Variants in CEMIP2 observed in about 807,000 individuals in gnomAD.
CEMIP2 encodes cell migration inducing hyaluronidase 2.
Under a neutral mutation model 146.9 loss-of-function variants are expected in CEMIP2, and 79 were observed. The observed-to-expected ratio is 0.54, with a 90% CI of 0.45 to 0.65. The LOEUF (loss-of-function observed/expected upper bound fraction) is 0.65. Among genes scored for constraint, CEMIP2 ranks in the 30% least tolerant of loss-of-function variants. The pLI is 0.00. For synonymous variants in CEMIP2, 601 were observed against 606.3 expected (o/e 0.99, Z 0.13); for missense variants, 1,596 against 1,696.2 (o/e 0.94, Z 1.04).
chr9:71,714,802 A>C, intron 15 of CEMIP2, 132 bp downstream of exon 15: 1 of 867,492 alleles, frequency 1.2e-6, no homozygotes, highest in Non-Finnish European at 1.7e-6. Flanking sequence ...AGTAGTAGTA[A>C]TAAATGATAA....
chr9:71,734,244 C>T (rs1412377388), intron 6 of CEMIP2, among the ~76,000 whole-genome samples: 1 of 148,768 alleles, frequency 6.7e-6, no homozygotes, highest in Non-Finnish European at 1.5e-5. Context: ...AATAGGCACT[C>T]GAAAACCATA....
At position 71,722,513 on chromosome 9, in the gene CEMIP2, A is replaced by G; in HGVS notation, c.2181T>C (p.Ala727=). The change falls in exon 12 of 24, where the codon GCT becomes GCC. Residue 727 remains alanine, a splice_region_variant and synonymous_variant. Coordinates refer to ENST00000377044, the MANE Select transcript of CEMIP2 (RefSeq NM_013390.3). ...TGACACCTTTGTCAATAAATAAGCC[A>G]GCCTGAAAAATATAAATAATGGACT... The part of the protein sequence containing the change: ...YNNRVHSNFK[A]GLFIDKGVKT... 1 of 1,611,296 alleles carries G rather than the reference A, an allele frequency of 6.2e-7. No individual in the cohort carries two copies. Among genetic ancestry groups the G allele is most frequent in the Non-Finnish European group, 8.5e-7 (1 of 1,178,082 alleles).
Position 71,685,220 on chromosome 9 carries a change from T to G in CEMIP2, c.4129A>C (p.Lys1377Gln). The change falls in exon 24 of 24, where the codon AAG becomes CAG. Residue 1377 changes from lysine to glutamine, a missense_variant. Transcript: ENST00000377044. The stretch of plus-strand genomic sequence containing the variant: ...CTCTAATGTGCTTTTGAAGCTTGCT[T>G]TAGCAGTTCCAGGTCTCTTCTGCGG... ...TVRRRDLELL[K>Q]QASKAH is the part of the protein sequence containing the mutation. 6.2e-7 allele frequency: 1 copy of G among 1,610,318 alleles called. No homozygotes were observed. The highest frequency in any genetic ancestry group is 8.5e-7 in the Non-Finnish European group (1 of 1,178,910).
chr9:71,699,412 C>T (rs1444748453), intron 19 of CEMIP2: 2 of 447,610 alleles, frequency 4.5e-6, no homozygotes, highest in African/African-American at 4.2e-5. Flanking sequence ...TGCCTGTGAA[C>T]TGCACTCCAG....
chr9:71,749,214 A>C (rs879762976), intron 2 of CEMIP2, among the ~76,000 whole-genome samples: 2 of 152,214 alleles, frequency 1.3e-5, no homozygotes, highest in Non-Finnish European at 2.9e-5. Context: ...TGATTTTTAG[A>C]CAAAGGTGTC....
intron 1 of CEMIP2, among the ~76,000 whole-genome samples, chr9:71,754,071 A>C (rs1824340299): frequency 6.6e-6 from 1 of 152,156 alleles, no homozygotes; most frequent in African/African-American, 2.4e-5. Context: ...TGAGGGGTGG[A>C]GGGCTGGGAG....
At chr9:71,686,324 C>T in intron 22 of CEMIP2, 1 of 159,646 alleles carries the variant, frequency 6.3e-6, no homozygotes, top group South Asian at 1.8e-4. Context: ...AGGTTGTGTG[C>T]TCCTGAGAAT....
In CEMIP2 at chr9:71,746,596, CA is replaced by C. The variant is rs5898226; in HGVS notation, c.332-256del. ...GCATCTAGTTCAGGACAAACTTCAC[CA>C]AAAAAAAAAAAAAAAAAAAAAAGTT... is the stretch of plus-strand genomic sequence containing the variant. On this transcript the variant is annotated intron_variant, in intron 2 of 23. Transcript: ENST00000377044. Among the ~76,000 whole-genome samples, 114 of 75,176 alleles carry C rather than the reference CA, an allele frequency of 1.5e-3. 1 individual carries two copies. The highest frequency in any genetic ancestry group is 4.5e-3 in the Admixed American group (26 of 5,766). 49.3% of individuals were successfully genotyped at this position (75,176 alleles called of 152,430 possible).
rs1180542626 is a variant in CEMIP2 at position 71,711,990 on chromosome 9, C to T, written c.2769+93G>A. ...ATGTCTCCTCCCACTCGTACAGACT[C>T]GGTGCAAATCCTTTGCGTTTTTGTC... On this transcript the variant is annotated intron_variant, in intron 16 of 23. Transcript: ENST00000377044. 7.5e-5 allele frequency: 103 copies of T among 1,366,612 alleles called. No homozygotes were observed. The South Asian group carries it at 1.1e-3, about 14-fold the overall frequency. 84.7% of individuals were successfully genotyped at this position (1,366,612 alleles called of 1,614,324 possible).
chr9:71,741,536 A>G (rs1362530091), intron 4 of CEMIP2, among the ~76,000 whole-genome samples: 1 of 151,932 alleles, frequency 6.6e-6, no homozygotes, highest in Admixed American at 6.6e-5. Context: ...AAAGCTGTAG[A>G]ATCACTATCC....
rs921791433 is a variant in CEMIP2, at chr9:71,739,929, T to A, written c.1204+134A>T. ...AAAAGATTAAGCACAGTAGGAAAAC[T>A]AAGTTTCAACTTCAACTAGTTGAGA... On this transcript the variant is annotated intron_variant, in intron 5 of 23. Transcript: ENST00000377044. 1.6e-5 allele frequency: 13 copies of A among 804,262 alleles called. No individual in the cohort carries two copies. In the African/African-American group the frequency reaches 2.4e-4, roughly 15 times the overall value. 49.8% of individuals were successfully genotyped at this position (804,262 alleles called of 1,614,324 possible).
chr9:71,751,015 G>A (rs957901549), intron 1 of CEMIP2, among the ~76,000 whole-genome samples: 17 of 152,326 alleles, frequency 1.1e-4, no homozygotes, highest in African/African-American at 4.1e-4. Flanking sequence ...GCAAAGTGCT[G>A]GGATTACAGG....
rs186444653 is a variant in CEMIP2 at position 71,760,854 on chromosome 9, G to T, written c.-13+7503C>A. ...CAGAAAATTAGAAAAAAGGGAAAAA[G>T]GTCGTTGTACCTACCAGTCATTCTC... On this transcript the variant is annotated intron_variant, in intron 1 of 23. Transcript: ENST00000377044. Among the ~76,000 whole-genome samples, 24 of 152,298 alleles carry T rather than the reference G, an allele frequency of 1.6e-4. 1 individual carries two copies. In the East Asian group the frequency reaches 3.5e-3, roughly 22 times the overall value.
intron 12 of CEMIP2, among the ~76,000 whole-genome samples, chr9:71,719,736 T>A (rs1342045134): frequency 6.6e-6 from 1 of 151,378 alleles, no homozygotes; most frequent in Non-Finnish European, 1.5e-5. Context: ...TAAGCCAACA[T>A]CTACTCTCTG....
chr9:71,759,507 T>C (rs535584116), intron 1 of CEMIP2, among the ~76,000 whole-genome samples: 45 of 152,188 alleles, frequency 3.0e-4, no homozygotes, highest in African/African-American at 1.1e-3. Context: ...AACTTCCCAA[T>C]GAGGCACAGA....
intron 19 of CEMIP2, among the ~76,000 whole-genome samples, chr9:71,698,698 A>T (rs1481506225): frequency 6.6e-6 from 1 of 152,220 alleles, no homozygotes; most frequent in Non-Finnish European, 1.5e-5. Flanking sequence ...TTCCTGTGAT[A>T]TTTATGAAGA....
intron 2 of CEMIP2, among the ~76,000 whole-genome samples, chr9:71,747,168 G>GA (rs1214337591): frequency 1.3e-5 from 2 of 151,882 alleles, no homozygotes; most frequent in Non-Finnish European, 2.9e-5. Flanking sequence ...GAAGAGGGGA[G>GA]AAAAAAAATC....
At chr9:71,723,190 G>A (rs553017659) in intron 11 of CEMIP2, among the ~76,000 whole-genome samples, 1 of 148,748 alleles carries the variant, frequency 6.7e-6, no homozygotes, top group African/African-American at 2.5e-5. Flanking sequence ...TACGAAGGAA[G>A]GAAATATAAT....
intron 1 of CEMIP2, among the ~76,000 whole-genome samples, chr9:71,754,196 AG>A (rs1824347923): frequency 6.6e-6 from 1 of 152,244 alleles, no homozygotes; most frequent in Non-Finnish European, 1.5e-5. Flanking sequence ...CATGTACCCT[AG>A]AACTTAAAGT....
Sources: allele counts gnomAD v4.1 joint callset (sites outside exome capture counted in the v4.1 genomes callset), GRCh38; gene constraint gnomAD v4.1.1; transcripts MANE v1.5; gene names NCBI Gene and HGNC (gene_info 2026-07-23, HGNC 2026-07-21).